UPF2: variants seen among roughly 807,000 people sequenced by gnomAD.
The protein encoded by UPF2 is UPF2 regulator of nonsense mediated mRNA decay, also known as regulator of nonsense transcripts 2.
A neutral mutation model predicts 141.4 loss-of-function variants in UPF2; 17 were observed. That is an observed-to-expected ratio of 0.12 (90% CI 0.08 to 0.18). The LOEUF is 0.18. Ranked by LOEUF, UPF2 falls within the 10% of genes least tolerant of loss-of-function variation. The pLI, the probability that UPF2 is intolerant of heterozygous loss-of-function variation, is 1.00. For missense variants in UPF2, 1,152 were observed against 1,515.9 expected, an observed-to-expected ratio of 0.76 and a Z score of 3.99; for synonymous variants, 540 against 498.0, an observed-to-expected ratio of 1.08 and a Z score of -1.12.
intron 9 of UPF2, among the ~76,000 whole-genome samples, chr10:11,972,770 ATCC>A (rs1196776721): frequency 6.6e-6 from 1 of 152,080 alleles, no homozygotes; most frequent in Non-Finnish European, 1.5e-5. Context: ...CATTTTCTTA[ATCC>A]AGTCTATCAC....
chr10:11,958,336 G>A (rs759949770), intron 12 of UPF2, among the ~76,000 whole-genome samples: 1 of 152,140 alleles, frequency 6.6e-6, no homozygotes, highest in Non-Finnish European at 1.5e-5. Context: ...TGCAAAGTAA[G>A]CCTTTCATCT....
intron 15 of UPF2, among the ~76,000 whole-genome samples, chr10:11,950,215 A>G (rs1327295487): frequency 1.3e-5 from 2 of 152,218 alleles, no homozygotes; most frequent in Non-Finnish European, 2.9e-5. Flanking sequence ...AAAATATGAT[A>G]AAAATGGTTT....
At chr10:11,987,573 C>T (rs1398589036) in intron 8 of UPF2, among the ~76,000 whole-genome samples, 1 of 151,716 alleles carries the variant, frequency 6.6e-6, no homozygotes, top group Admixed American at 6.6e-5. Flanking sequence ...GCCTGGCCAA[C>T]ATCATGAAAC....
intron 2 of UPF2, among the ~76,000 whole-genome samples, chr10:12,034,374 G>C (rs1392059615): frequency 6.6e-6 from 1 of 151,782 alleles, no homozygotes. Context: ...CCAGGCAGGA[G>C]TGCAGTGGCA....
In UPF2 at chr10:11,961,697, T is replaced by C. The variant is rs1468282531; in HGVS notation, c.2184+2312A>G. ...GGCGGGGGCTGTATCTTTTTCACTG[T>C]CACATACGTAGCACCTAAAACAGTG... On this transcript the variant is annotated intron_variant, in intron 11 of 21. Transcript: ENST00000357604. Among the ~76,000 whole-genome samples, 3 of 152,288 alleles carry C rather than the reference T, an allele frequency of 2.0e-5. No individual in the cohort carries two copies. In the East Asian group the frequency reaches 5.8e-4, roughly 29 times the overall value.
At chr10:12,022,290 T>C (rs1834331580) in intron 3 of UPF2, among the ~76,000 whole-genome samples, 1 of 151,748 alleles carries the variant, frequency 6.6e-6, no homozygotes, top group Admixed American at 6.6e-5. Flanking sequence ...CATGTGCCTG[T>C]GGTCCCAGCG....
chr10:12,042,871 C>A (rs1463288203), upstream of UPF2: 1 of 152,116 alleles, frequency 6.6e-6, no homozygotes, highest in Non-Finnish European at 1.5e-5. This position sits in a 1 kb window ranked among gnomAD's most constrained non-coding sequence, Gnocchi z 5.5. Context: ...CCCTCAGCTC[C>A]CCCTCCTCCC....
Position 12,010,618 on chromosome 10 carries a change from G to C in UPF2, c.1306+3406C>G, listed in dbSNP as rs762247901. On this transcript the variant is annotated intron_variant, in intron 4 of 21. Coordinates refer to ENST00000357604, the MANE Select transcript of UPF2 (RefSeq NM_015542.4). The stretch of plus-strand genomic sequence containing the variant: ...GACAACTGAACAACCTAAAATACTT[G>C]TAATTGAGTCCCTATAGGAGAGGTG... Among the ~76,000 whole-genome samples, 176 of 152,230 alleles carry C rather than the reference G, an allele frequency of 1.2e-3. 2 individuals carry two copies. In the Middle Eastern group the frequency reaches 0.017, roughly 15 times the overall value.
intron 4 of UPF2, among the ~76,000 whole-genome samples, chr10:12,011,270 A>G (rs945857735): frequency 5.3e-5 from 8 of 152,236 alleles, no homozygotes; most frequent in African/African-American, 1.9e-4. Context: ...TATTACAGGC[A>G]TAAGCCATCA....
intron 19 of UPF2, among the ~76,000 whole-genome samples, chr10:11,932,080 C>T (rs1246322221): frequency 6.6e-6 from 1 of 151,468 alleles, no homozygotes; most frequent in African/African-American, 2.4e-5. Flanking sequence ...ACCCAGGAAG[C>T]GGAGGTTGCA....
chr10:12,001,587 G>C (rs540037339), intron 6 of UPF2, 89 bp downstream of exon 6: 1 of 1,267,964 alleles, frequency 7.9e-7, no homozygotes, highest in African/African-American at 1.5e-5. Context: ...AAAAAATACA[G>C]AATTAAGGAG....
chr10:11,927,431 G>A (rs992269990), intron 21 of UPF2, among the ~76,000 whole-genome samples: 2 of 152,154 alleles, frequency 1.3e-5, no homozygotes, highest in African/African-American at 4.8e-5. Context: ...TTTACCAACC[G>A]AAATACAAAT....
intron 14 of UPF2, among the ~76,000 whole-genome samples, chr10:11,954,033 TAGTG>T (rs1364426290): frequency 6.6e-6 from 1 of 152,220 alleles, no homozygotes; most frequent in African/African-American, 2.4e-5. Context: ...AAGCACTTGA[TAGTG>T]AGTTGTTCAC....
intron 9 of UPF2, among the ~76,000 whole-genome samples, chr10:11,972,288 T>G (rs1244676370): frequency 1.3e-5 from 2 of 152,184 alleles, no homozygotes; most frequent in East Asian, 3.8e-4. Context: ...GTTTATTCAC[T>G]CATCAAACTT....
At chr10:12,031,331 T>A (rs1422143137) in intron 2 of UPF2, among the ~76,000 whole-genome samples, 1 of 152,022 alleles carries the variant, frequency 6.6e-6, no homozygotes, top group Non-Finnish European at 1.5e-5. Context: ...AAGACAACTA[T>A]CAAATAAGAA....
At chr10:11,955,136 T>TATA (rs1354068117) in intron 14 of UPF2, 96 bp downstream of exon 14, 1 of 1,188,610 alleles carries the variant, frequency 8.4e-7, no homozygotes, top group Non-Finnish European at 1.1e-6. Context: ...ATATATATAA[T>TATA]ATATGAATAC....
intron 15 of UPF2, among the ~76,000 whole-genome samples, chr10:11,951,155 C>T (rs1405589370): frequency 2.0e-5 from 3 of 152,218 alleles, no homozygotes; most frequent in Non-Finnish European, 2.9e-5. Context: ...CTCCGTCTCC[C>T]GGGTTCAAGC....
At chr10:11,958,422 G>C (rs531583702) in intron 12 of UPF2, among the ~76,000 whole-genome samples, 41 of 152,152 alleles carry the variant, frequency 2.7e-4, no homozygotes, top group Non-Finnish European at 2.1e-4. Flanking sequence ...AAGCTGGTAT[G>C]AGAACTCGTT....
Position 11,928,034 on chromosome 10 carries a change from C to T in UPF2, c.3809+1831G>A, listed in dbSNP as rs1262544139. ...GAGCCTCGGTTTAAACACTAATCCA[C>T]TAAGTGAGATCAGTAAGGGCAGCAG... On this transcript the variant is annotated intron_variant, in intron 21 of 21. Transcript: ENST00000357604. Among the ~76,000 whole-genome samples, 3 of 152,188 alleles carry T rather than the reference C, an allele frequency of 2.0e-5. No individual in the cohort carries two copies. In the East Asian group the frequency reaches 5.8e-4, roughly 29 times the overall value.
Sources: gnomAD v4.1 joint callset for allele counts (sites outside exome capture counted in the v4.1 genomes callset) on GRCh38, gnomAD v4.1.1 for gene constraint, Gnocchi (gnomAD v3.1) non-coding constraint, MANE v1.5 for transcripts, NCBI Gene and HGNC (gene_info 2026-07-23, HGNC 2026-07-21) for gene names.